Variants in TBCK observed in about 807,000 individuals in gnomAD.
TBCK encodes TBC1 domain containing kinase, also known as TBC domain-containing protein kinase-like protein.
TBCK carries 99 observed loss-of-function variants against 113.4 expected under a neutral mutation model. The observed-to-expected ratio is 0.87, with a 90% CI of 0.74 to 1.03. TBCK has a LOEUF of 1.03. Among genes scored for constraint, TBCK ranks in the 50% least tolerant of loss-of-function variants. TBCK has a pLI of 0.00. For synonymous variants in TBCK, 369 were observed against 370.8 expected (o/e 1.00, Z 0.05); for missense variants, 1,045 against 1,061.3 (o/e 0.98, Z 0.21).
intron 23 of TBCK, among the ~76,000 whole-genome samples, chr4:106,147,640 T>C (rs953397906): frequency 2.0e-5 from 3 of 152,292 alleles, no homozygotes; most frequent in South Asian, 2.1e-4. Flanking sequence ...TATGCCTGTC[T>C]TTACTTTAAT....
At chr4:106,263,188 A>T (rs1227437483) in intron 3 of TBCK, among the ~76,000 whole-genome samples, 2 of 151,874 alleles carry the variant, frequency 1.3e-5, no homozygotes, top group Admixed American at 6.6e-5. Flanking sequence ...CATTTTTTTT[A>T]AATTTTTCTA....
intron 20 of TBCK, among the ~76,000 whole-genome samples, chr4:106,203,812 TAAAA>T (rs1755152250): frequency 1.3e-5 from 2 of 152,092 alleles, no homozygotes; most frequent in Non-Finnish European, 1.5e-5. Flanking sequence ...TTACTTTAAG[TAAAA>T]GAAAGACTAT....
chr4:106,110,668 G>A (rs1742738862), intron 24 of TBCK, among the ~76,000 whole-genome samples: 1 of 152,110 alleles, frequency 6.6e-6, no homozygotes, highest in African/African-American at 2.4e-5. Flanking sequence ...GATGTACAAG[G>A]GCAATGGGTC....
At chr4:106,224,845 T>A (rs1272195785) in intron 19 of TBCK, among the ~76,000 whole-genome samples, 2 of 152,192 alleles carry the variant, frequency 1.3e-5, no homozygotes, top group African/African-American at 4.8e-5. Flanking sequence ...AAATTCCTAC[T>A]CAAACTTCAA....
chr4:106,199,050 A>G (rs1754580238), intron 20 of TBCK, among the ~76,000 whole-genome samples: 1 of 152,180 alleles, frequency 6.6e-6, no homozygotes, highest in African/African-American at 2.4e-5. Flanking sequence ...GATAGGCTAT[A>G]GCAGTGAACA....
At chr4:106,119,824 A>G (rs72964439) in intron 23 of TBCK, among the ~76,000 whole-genome samples, 4,186 of 152,262 alleles carry the variant, frequency 0.027, 186 homozygotes, top group African/African-American at 0.096. Context: ...AAATAATCTA[A>G]TTTACTAACG....
At chr4:106,087,634 A>T (rs1175120573) in intron 25 of TBCK, among the ~76,000 whole-genome samples, 2 of 152,244 alleles carry the variant, frequency 1.3e-5, no homozygotes, top group Admixed American at 1.3e-4. Context: ...GACAATCCTA[A>T]GCAAACAAGA....
intron 3 of TBCK, among the ~76,000 whole-genome samples, chr4:106,278,229 G>A (rs1434770041): frequency 1.3e-5 from 2 of 152,018 alleles, no homozygotes; most frequent in Non-Finnish European, 2.9e-5. Context: ...AGGCAGAAAG[G>A]ACAGGATATC....
At position 106,223,103 on chromosome 4, in the gene TBCK, T is replaced by G. The variant is rs1244044056; in HGVS notation, c.1774+7260A>C. Among the ~76,000 whole-genome samples, 5 of 152,074 alleles carry G rather than the reference T, an allele frequency of 3.3e-5. No individual in the cohort carries two copies. The East Asian group carries it at 9.6e-4, about 29-fold the overall frequency. ...AAGATATTCTTAAAAATCCCAAGAC[T>G]GTATATACTACAATCTCCAAATATC... On this transcript the variant is annotated intron_variant, in intron 19 of 25. Transcript: ENST00000394708.
Position 106,136,218 on chromosome 4 carries a change from T to C in TBCK, c.2236-19840A>G, listed in dbSNP as rs936644127. ...CTATAAATACATGCAATTCCATCCA[T>C]CTACAGTAAACAGAAGGTAAATTAA... On this transcript the variant is annotated intron_variant, in intron 23 of 25. Transcript: ENST00000394708. Among the ~76,000 whole-genome samples the C allele has an allele frequency of 1.4e-5, 2 of 138,628 alleles. 1 individual carries two copies. Among genetic ancestry groups the C allele is most frequent in the Non-Finnish European group, 3.3e-5 (2 of 60,504 alleles). The allele number at this position is 138,628 out of a possible 152,430, so 90.9% of individuals were successfully genotyped here.
chr4:106,119,056 A>G (rs1743924995), intron 23 of TBCK, among the ~76,000 whole-genome samples: 1 of 152,202 alleles, frequency 6.6e-6, no homozygotes, highest in Non-Finnish European at 1.5e-5. Context: ...AAAACAGAGA[A>G]TTTAGTTTTT....
At chr4:106,164,272 T>C (rs577216312) in intron 23 of TBCK, 1 of 152,014 alleles carries the variant, frequency 6.6e-6, no homozygotes, top group Non-Finnish European at 1.5e-5. Context: ...TTGTTTTCAA[T>C]GCATCTATTG....
chr4:106,236,956 A>G, intron 12 of TBCK, 148 bp from the exon 13 acceptor site: 1 of 427,908 alleles, frequency 2.3e-6, no homozygotes, highest in Non-Finnish European at 4.1e-6. Context: ...AGTTCTTACC[A>G]TAAACATGCA....
chr4:106,284,635 T>C (rs986040128), intron 3 of TBCK, among the ~76,000 whole-genome samples: 4 of 152,142 alleles, frequency 2.6e-5, no homozygotes, highest in African/African-American at 4.8e-5. Flanking sequence ...AGAAACTCTA[T>C]TACAAGTGCC....
chr4:106,133,407 TC>T (rs1432768825), intron 23 of TBCK, among the ~76,000 whole-genome samples: 1 of 152,176 alleles, frequency 6.6e-6, no homozygotes, highest in Non-Finnish European at 1.5e-5. Flanking sequence ...TAAACCTCTT[TC>T]CTTTATAAAT....
At chr4:106,067,143 G>C (rs1342547521) in intron 25 of TBCK, among the ~76,000 whole-genome samples, 1 of 152,002 alleles carries the variant, frequency 6.6e-6, no homozygotes, top group Non-Finnish European at 1.5e-5. Context: ...AATGCACCAG[G>C]GTTCTAATTT....
At chr4:106,049,713 A>G (rs1026290054) in intron 25 of TBCK, among the ~76,000 whole-genome samples, 24 of 152,048 alleles carry the variant, frequency 1.6e-4, no homozygotes, top group African/African-American at 5.8e-4. Context: ...TTACAAATCT[A>G]CACTTACTGA....
intron 2 of TBCK, among the ~76,000 whole-genome samples, chr4:106,304,232 C>G (rs1252593424): frequency 2.0e-5 from 3 of 152,092 alleles, no homozygotes. Flanking sequence ...GTTTATGAAC[C>G]TCTTCATTCT....
intron 3 of TBCK, among the ~76,000 whole-genome samples, chr4:106,275,176 A>T (rs1763896063): frequency 1.3e-5 from 2 of 152,186 alleles, no homozygotes; most frequent in Non-Finnish European, 2.9e-5. Context: ...AAGAAGAAAA[A>T]TCATATCATA....
Sources: gnomAD v4.1 joint callset for allele counts (sites outside exome capture counted in the v4.1 genomes callset) on GRCh38, gnomAD v4.1.1 for gene constraint, MANE v1.5 for transcripts, NCBI Gene and HGNC (gene_info 2026-07-23, HGNC 2026-07-21) for gene names.